Variants in ZNF804A observed in about 807,000 individuals in gnomAD.
The protein encoded by ZNF804A is zinc finger protein 804A.
Under a neutral mutation model 16.5 loss-of-function variants are expected in ZNF804A, and 2 were observed. The observed-to-expected ratio is 0.12, with a 90% CI of 0.05 to 0.38. ZNF804A has a LOEUF of 0.38. Among genes scored for constraint, ZNF804A ranks in the 10% least tolerant of loss-of-function variants. The probability of loss-of-function intolerance (pLI) is 0.99; values close to 1 mark genes in which losing one functional copy is unlikely to be tolerated. For missense variants in ZNF804A, 1,473 were observed against 1,390.7 expected (o/e 1.06, Z -0.94); for synonymous variants, 534 against 489.6 (o/e 1.09, Z -1.20).
chr2:184,658,747 TAG>T (rs1242512301), intron 1 of ZNF804A, among the ~76,000 whole-genome samples: 1 of 152,164 alleles, frequency 6.6e-6, no homozygotes, highest in African/African-American at 2.4e-5. Flanking sequence ...TATCAGAACA[TAG>T]GTTTCAGGAC....
At position 184,937,163 on chromosome 2, in the gene ZNF804A, G is replaced by C. The variant is rs1345147089; in HGVS notation, c.1767G>C (p.Trp589Cys). The C allele has an allele frequency of 6.2e-7, 1 of 1,602,644 alleles. No homozygotes were observed. Among genetic ancestry groups the C allele is most frequent in the Non-Finnish European group, 8.5e-7 (1 of 1,177,304 alleles). The change falls in exon 4 of 4, where the codon TGG becomes TGC. Residue 589 changes from tryptophan to cysteine, a missense_variant. Trp to Cys is a radical substitution (Grantham distance 215). Transcript: ENST00000302277. ...GGTTGAAAGAGACCCATGAATACTG[G>C]TTCCATAAAAGTAGAAGAAAGAAAA... Reference protein sequence around the residue: ...KIRLKETHEYWFHKSRRKKKR... With the variant: ...KIRLKETHEYCFHKSRRKKKR...
intron 1 of ZNF804A, among the ~76,000 whole-genome samples, chr2:184,722,578 G>A (rs1456061677): frequency 2.0e-5 from 3 of 151,878 alleles, no homozygotes; most frequent in Admixed American, 6.6e-5. Flanking sequence ...CTTAGAGAGG[G>A]AGGTTACTAT....
intron 1 of ZNF804A, among the ~76,000 whole-genome samples, chr2:184,605,270 A>G (rs1318372741): frequency 6.6e-6 from 1 of 152,152 alleles, no homozygotes; most frequent in Non-Finnish European, 1.5e-5. Context: ...ACAAAAATTT[A>G]TGAAGAAATT....
chr2:184,889,526 C>T (rs1240799185), intron 2 of ZNF804A, among the ~76,000 whole-genome samples: 2 of 151,154 alleles, frequency 1.3e-5, no homozygotes, highest in Non-Finnish European at 3.0e-5. Flanking sequence ...CACATGTATC[C>T]CAGAACTTAA....
intron 1 of ZNF804A, among the ~76,000 whole-genome samples, chr2:184,702,157 T>C (rs541727123): frequency 5.3e-5 from 8 of 152,176 alleles, no homozygotes; most frequent in Middle Eastern, 3.4e-3. Context: ...TGTCTAAGAA[T>C]TAAAAGTCTG....
At chr2:184,624,614 T>TA (rs1691468980) in intron 1 of ZNF804A, among the ~76,000 whole-genome samples, 1 of 152,134 alleles carries the variant, frequency 6.6e-6, no homozygotes, top group South Asian at 2.1e-4. Flanking sequence ...AGGTTGTAAC[T>TA]AAAAAATGGG....
At chr2:184,637,342 A>T (rs1337976646) in intron 1 of ZNF804A, among the ~76,000 whole-genome samples, 1 of 152,202 alleles carries the variant, frequency 6.6e-6, no homozygotes, top group Non-Finnish European at 1.5e-5. Flanking sequence ...TTAAAAATGC[A>T]CAATGTTTAC....
intron 2 of ZNF804A, among the ~76,000 whole-genome samples, chr2:184,912,021 C>CA (rs1404402242): frequency 1.3e-5 from 2 of 151,270 alleles, no homozygotes; most frequent in South Asian, 4.3e-4. Flanking sequence ...TGAAATTCAC[C>CA]AAAAAATTCA....
rs1240253556 is a variant in ZNF804A at position 184,709,935 on chromosome 2, T to G, written c.111+110865T>G. On this transcript the variant is annotated intron_variant, in intron 1 of 3. Transcript: ENST00000302277. ...CATAAAGTATAGGAATTCTTCCACA[T>G]TTCCTTTATATTAATATACCTAATT... Among the ~76,000 whole-genome samples, 4 of 150,312 alleles carry G rather than the reference T, an allele frequency of 2.7e-5. No individual in the cohort carries two copies. The East Asian group carries it at 7.8e-4, about 29-fold the overall frequency.
intron 1 of ZNF804A, among the ~76,000 whole-genome samples, chr2:184,683,443 G>A (rs933139472): frequency 1.3e-5 from 2 of 152,154 alleles, no homozygotes; most frequent in Non-Finnish European, 2.9e-5. Flanking sequence ...GAGGTCAAAT[G>A]AATGATAAGC....
chr2:184,767,553 C>T (rs1049201465), intron 1 of ZNF804A, among the ~76,000 whole-genome samples: 5 of 152,040 alleles, frequency 3.3e-5, no homozygotes, highest in Non-Finnish European at 7.4e-5. Flanking sequence ...TGCTGAACTA[C>T]GTGCTTCAAA....
At chr2:184,649,937 G>A (rs1273043948) in intron 1 of ZNF804A, among the ~76,000 whole-genome samples, 2 of 151,330 alleles carry the variant, frequency 1.3e-5, no homozygotes, top group African/African-American at 2.4e-5. Flanking sequence ...TGAGGAGGAG[G>A]GACTCCTTTC....
chr2:184,923,090 A>G (rs914988549), intron 2 of ZNF804A, among the ~76,000 whole-genome samples: 1 of 151,966 alleles, frequency 6.6e-6, no homozygotes, highest in East Asian at 1.9e-4. Flanking sequence ...TGTGAATAAT[A>G]TCATTGGTAT....
At chr2:184,841,847 G>T (rs1054312121) in intron 1 of ZNF804A, among the ~76,000 whole-genome samples, 9 of 152,012 alleles carry the variant, frequency 5.9e-5, no homozygotes, top group Non-Finnish European at 1.2e-4. Context: ...AGAGACAGAG[G>T]GTTAGCAGAT....
chr2:184,649,003 C>G (rs552669875), intron 1 of ZNF804A, among the ~76,000 whole-genome samples: 4 of 152,010 alleles, frequency 2.6e-5, no homozygotes, highest in Admixed American at 2.6e-4. Flanking sequence ...GCACACGGAA[C>G]ACGCTCAAAA....
intron 1 of ZNF804A, among the ~76,000 whole-genome samples, chr2:184,781,832 T>C (rs1168069667): frequency 1.3e-5 from 2 of 151,852 alleles, no homozygotes; most frequent in Non-Finnish European, 2.9e-5. Flanking sequence ...TTGCATTAGT[T>C]TTCTAGGGCT....
intron 1 of ZNF804A, among the ~76,000 whole-genome samples, chr2:184,854,181 A>G (rs1473683483): frequency 6.6e-6 from 1 of 151,928 alleles, no homozygotes; most frequent in Non-Finnish European, 1.5e-5. Context: ...AAATGCTCCA[A>G]AATCTGAAAA....
intron 1 of ZNF804A, among the ~76,000 whole-genome samples, chr2:184,684,977 C>A (rs539389416): frequency 6.6e-6 from 1 of 152,142 alleles, no homozygotes; most frequent in East Asian, 1.9e-4. Context: ...TTGCTCACAC[C>A]GGCTGGGCTT....
chr2:184,704,726 G>A (rs1692994918), intron 1 of ZNF804A, among the ~76,000 whole-genome samples: 1 of 152,160 alleles, frequency 6.6e-6, no homozygotes, highest in Non-Finnish European at 1.5e-5. Flanking sequence ...GAGCCTGAGG[G>A]TAAGCTTATA....
Sources: gnomAD v4.1 joint callset for allele counts (sites outside exome capture counted in the v4.1 genomes callset) on GRCh38, gnomAD v4.1.1 for gene constraint, MANE v1.5 for transcripts, NCBI Gene and HGNC (gene_info 2026-07-23, HGNC 2026-07-21) for gene names.